Variants in PLCH2 observed in about 807,000 individuals in gnomAD.
PLCH2 encodes 1-phosphatidylinositol 4,5-bisphosphate phosphodiesterase eta-2.
In PLCH2, 98 loss-of-function variants were observed where a neutral mutation model predicts 134.7. The observed-to-expected ratio is 0.73, with a 90% CI of 0.62 to 0.86. The LOEUF (loss-of-function observed/expected upper bound fraction) is 0.86. Among genes scored for constraint, PLCH2 ranks in the 40% least tolerant of loss-of-function variants. PLCH2 has a pLI of 0.00. For missense variants in PLCH2, 1,994 were observed against 1,986.6 expected (o/e 1.00, Z -0.07); for synonymous variants, 974 against 827.5 (o/e 1.18, Z -3.04).
In PLCH2 at chr1:2,502,194, C is replaced by CCCCGG. The variant is rs750623738; in HGVS notation, c.2753_2757dup (p.Ser920GlyfsTer128). The CCCCGG allele has an allele frequency of 1.8e-5, 28 of 1,535,962 alleles. No individual in the cohort carries two copies. The highest frequency in any genetic ancestry group is 3.6e-5 in the South Asian group (3 of 83,196). ...CTGGACAGTCATGCTGCTGGGCGGC[C>CCCCGG]CCCGGCCCGGCCCTCCGTTAGCCAG... On this transcript the variant is annotated frameshift_variant, in exon 21 of 22. Transcript: ENST00000378486. LOFTEE classifies it high-confidence loss of function.
At chr1:2,503,144 C>CCCAG in intron 21 of PLCH2, 1 of 652,910 alleles carries the variant, frequency 1.5e-6, no homozygotes, top group Non-Finnish European at 2.8e-6. Context: ...TGGTTTGAGG[C>CCCAG]CCGACAGGCT....
chr1:2,487,738 G>A lies in PLCH2; in HGVS notation c.1235+20G>A, dbSNP rs975415208. ...GAATGAGTGAGTGGCTGGGCCTAGC[G>A]GGGCTGGCCCCAGAGGTGGGCAGGG... On this transcript the variant is annotated intron_variant, in intron 8 of 21. Transcript: ENST00000378486. 1.5e-5 allele frequency: 24 copies of A among 1,609,356 alleles called. No homozygotes were observed. Among genetic ancestry groups the A allele is most frequent in the East Asian group, 6.7e-5 (3 of 44,878 alleles).
At chr1:2,467,642 G>A (rs534389993) in exon 1 of PLCH2, 15 of 412,122 alleles carry the variant, frequency 3.6e-5, no homozygotes, top group African/African-American at 3.1e-4. Context: ...GGGCCCCCAG[G>A]TGGGCTCAGC....
chr1:2,447,831 G>A (rs911662102), intron 2 of PLCH2, among the ~76,000 whole-genome samples: 8 of 152,300 alleles, frequency 5.3e-5, no homozygotes, highest in Admixed American at 1.3e-4. Context: ...ACCGGGAACC[G>A]GGGAATACAG....
intron 1 of PLCH2, among the ~76,000 whole-genome samples, chr1:2,430,178 C>T (rs528938820): frequency 1.9e-4 from 29 of 152,320 alleles, no homozygotes; most frequent in South Asian, 4.1e-4. Flanking sequence ...AGCCCCACTG[C>T]GCTGGCCTAT....
intron 2 of PLCH2, among the ~76,000 whole-genome samples, chr1:2,454,663 C>G (rs1640402359): frequency 6.6e-6 from 1 of 152,160 alleles, no homozygotes; most frequent in Admixed American, 6.5e-5. Context: ...GGGGCCAGGA[C>G]CTGAGCCCCA....
At position 2,504,572 on chromosome 1, in the gene PLCH2, C is replaced by G; in HGVS notation, c.3610C>G (p.Pro1204Ala). 3 of 1,612,770 alleles carry G rather than the reference C, an allele frequency of 1.9e-6. No individual in the cohort carries two copies. The highest frequency in any genetic ancestry group is 2.5e-6 in the Non-Finnish European group (3 of 1,179,806). ...ACCTGTGACCAAGAGCAAATCCAAC[C>G]CCAACCTTCGGGCTACAGGCCAGCG... ...LPPVTKSKSN[P>A]NLRATGQRPP... The change falls in exon 22 of 22, where the codon CCC (proline) becomes GCC (alanine). Residue 1204 changes from proline to alanine, a missense_variant. This residue lies in a region of PLCH2 where 900 missense variants were observed against 752.3 expected (regional missense o/e 1.20). Coordinates refer to ENST00000378486, the MANE Select transcript of PLCH2 (RefSeq NM_014638.4).
At chr1:2,486,413 G>A (rs923536743) in intron 5 of PLCH2, among the ~76,000 whole-genome samples, 8 of 152,314 alleles carry the variant, frequency 5.3e-5, no homozygotes, top group African/African-American at 1.7e-4. Context: ...GCACCATAGC[G>A]CCCTGGAGGT....
chr1:2,461,456 T>C (rs1640797463), intron 2 of PLCH2, among the ~76,000 whole-genome samples: 1 of 152,168 alleles, frequency 6.6e-6, no homozygotes, highest in Admixed American at 6.5e-5. Context: ...ATGTGGGACC[T>C]GGCCCCTGGG....
In PLCH2 at chr1:2,489,804, C is replaced by G. The variant is rs191681843; in HGVS notation, c.1452C>G (p.Gly484=). ...ACATCAGCGAGGATGCGGAGGAAGG[C>G]GAGGTGTCTGATGAGGACAGTGCTG... ...PANISEDAEE[G]EVSDEDSADE... The change falls in exon 10 of 22, where the codon GGC becomes GGG. Residue 484 remains glycine, a synonymous_variant. Coordinates refer to ENST00000378486, the MANE Select transcript of PLCH2 (RefSeq NM_014638.4). 6.2e-7 allele frequency: 1 copy of G among 1,613,686 alleles called. No homozygotes were observed. Among genetic ancestry groups the G allele is most frequent in the African/African-American group, 1.3e-5 (1 of 75,056 alleles).
At position 2,505,376 on chromosome 1, in the gene PLCH2, A is replaced by G; in HGVS notation, c.*163A>G. The G allele has an allele frequency of 3.3e-6, 2 of 610,812 alleles. No individual in the cohort carries two copies. Among genetic ancestry groups the G allele is most frequent in the African/African-American group, 3.8e-5 (2 of 52,392 alleles). The allele number at this position is 610,812 out of a possible 1,614,324, so 37.8% of individuals were successfully genotyped here. A position where few individuals can be genotyped will look rare whatever the true frequency, so the allele number is the denominator to read the frequency against. ...CTCCTGCCCCTGCTCCCGGGGAGGA[A>G]AGGCTAAAGCTGCTGGCCCGGGGCC... On this transcript the variant is annotated 3_prime_UTR_variant, in exon 22 of 22. Transcript: ENST00000378486.
In PLCH2 at chr1:2,498,878, G is replaced by A. The variant is rs778745232; in HGVS notation, c.2434+50G>A. 11 of 1,470,018 alleles carry A rather than the reference G, an allele frequency of 7.5e-6. No individual in the cohort carries two copies. Among genetic ancestry groups the A allele is most frequent in the South Asian group, 5.9e-5 (5 of 84,486 alleles). 91.1% of individuals were successfully genotyped at this position (1,470,018 alleles called of 1,614,324 possible). On this transcript the variant is annotated intron_variant, in intron 18 of 21. Coordinates refer to ENST00000378486, the MANE Select transcript of PLCH2 (RefSeq NM_014638.4). This position sits in a 1 kb window ranked among gnomAD's most constrained non-coding sequence, Gnocchi z 5.4. Reference sequence around the variant, plus strand: ...ACACCTGTGATGGAAGTCTGAGGGGGGAGGGTTGGGGCTACCTGGTGTGCC... The same window carrying A: ...ACACCTGTGATGGAAGTCTGAGGGGAGAGGGTTGGGGCTACCTGGTGTGCC...
intron 12 of PLCH2, 70 bp from the exon 13 acceptor site, chr1:2,495,418 C>G: frequency 7.5e-7 from 1 of 1,326,652 alleles, no homozygotes; most frequent in Non-Finnish European, 1.1e-6. Flanking sequence ...CCCTCCCCAA[C>G]CCCCCAGCCT....
At chr1:2,418,675 C>T in the PLCH2 span, among the ~76,000 whole-genome samples, 8 of 152,364 alleles carry the variant, frequency 5.3e-5, no homozygotes, top group South Asian at 1.4e-3. Context: ...CCCCAAGTTC[C>T]AGGGGTGCCG....
chr1:2,465,186 G>A (rs754400566), upstream of PLCH2, among the ~76,000 whole-genome samples: 3 of 152,148 alleles, frequency 2.0e-5, no homozygotes, highest in African/African-American at 7.2e-5. Flanking sequence ...GGTCTCCTCC[G>A]GCCTCTGTCC....
chr1:2,442,761 A>T (rs1271172036), intron 2 of PLCH2, among the ~76,000 whole-genome samples: 1 of 152,136 alleles, frequency 6.6e-6, no homozygotes, highest in Non-Finnish European at 1.5e-5. Context: ...TGAGTGCAGG[A>T]GCCCTTCTTG....
intron 2 of PLCH2, 141 bp from the exon 3 acceptor site, chr1:2,479,593 T>C (rs2100651662): frequency 1.3e-6 from 1 of 785,506 alleles, no homozygotes; most frequent in Non-Finnish European, 2.0e-6. Flanking sequence ...GTTCTTGAAC[T>C]CTGGACCCTG....
At position 2,504,972 on chromosome 1, in the gene PLCH2, GCTC is replaced by G. The variant is rs558871191; in HGVS notation, c.4018_4020del (p.Ser1340del). 4.3e-5 allele frequency: 66 copies of G among 1,551,612 alleles called. 1 individual carries two copies. The South Asian group carries it at 6.9e-4, about 16-fold the overall frequency. On this transcript the variant is annotated inframe_deletion, in exon 22 of 22. Coordinates refer to ENST00000378486, the MANE Select transcript of PLCH2 (RefSeq NM_014638.4). The stretch of plus-strand genomic sequence containing the variant: ...GCAGGGGGCCCTGGTTTTGTGCGGC[GCTC>G]CTCCTCCCGCAGCCACAGCCGCGTG...
At chr1:2,449,527 C>G (rs999140536) in intron 2 of PLCH2, among the ~76,000 whole-genome samples, 1 of 152,126 alleles carries the variant, frequency 6.6e-6, no homozygotes, top group African/African-American at 2.4e-5. Context: ...ACCAACCAAC[C>G]AACCAACCAG....
Sources: allele counts gnomAD v4.1 joint callset (sites outside exome capture counted in the v4.1 genomes callset), GRCh38; gene constraint gnomAD v4.1.1; regional missense constraint gnomAD v4.1.1; non-coding constraint Gnocchi (gnomAD v3.1); transcripts MANE v1.5; gene names NCBI Gene and HGNC (gene_info 2026-07-23, HGNC 2026-07-21).